GRM7: variants seen among roughly 807,000 people sequenced by gnomAD.
The protein encoded by GRM7 is glutamate metabotropic receptor 7.
GRM7 carries 35 observed loss-of-function variants against 84.5 expected under a neutral mutation model. That is an observed-to-expected ratio of 0.41 (90% CI 0.32 to 0.55). The LOEUF (loss-of-function observed/expected upper bound fraction) is 0.55, where lower values mean the gene tolerates loss of function less well. Ranked by LOEUF, GRM7 falls within the 20% of genes least tolerant of loss-of-function variation. GRM7 has a pLI of 0.19. For missense variants in GRM7, 1,003 were observed against 1,194.6 expected (o/e 0.84, Z 2.36); for synonymous variants, 487 against 455.1 (o/e 1.07, Z -0.89).
intron 8 of GRM7, among the ~76,000 whole-genome samples, chr3:7,651,957 C>T (rs1031196652): frequency 2.6e-5 from 4 of 152,198 alleles, no homozygotes; most frequent in Non-Finnish European, 5.9e-5. Flanking sequence ...AATATTGTCC[C>T]TGCCTTCTCC....
At chr3:7,469,481 T>C (rs969528089) in intron 7 of GRM7, among the ~76,000 whole-genome samples, 2 of 152,238 alleles carry the variant, frequency 1.3e-5, no homozygotes, top group South Asian at 4.1e-4. Flanking sequence ...ATTGCTGCTC[T>C]TGAGGAATGA....
intron 7 of GRM7, among the ~76,000 whole-genome samples, chr3:7,530,774 C>T (rs1267846842): frequency 1.3e-5 from 2 of 150,846 alleles, no homozygotes; most frequent in Non-Finnish European, 3.0e-5. Flanking sequence ...ATCTTTTGTC[C>T]ATTTTTTGAT....
chr3:7,180,484 A>C (rs1281572891), intron 2 of GRM7, among the ~76,000 whole-genome samples: 1 of 152,100 alleles, frequency 6.6e-6, no homozygotes, highest in Non-Finnish European at 1.5e-5. Context: ...AATGACCTAC[A>C]TTTTAATATC....
intron 1 of GRM7, among the ~76,000 whole-genome samples, chr3:7,131,828 A>T: frequency 6.6e-6 from 1 of 152,170 alleles, no homozygotes; most frequent in Admixed American, 6.5e-5. Flanking sequence ...TTATTGTAAT[A>T]GGAGAAGAAA....
rs756805776 is a variant in GRM7, at chr3:6,928,309, A to C, written c.519+66402A>C. 3.9e-5 allele frequency among the ~76,000 whole-genome samples: 6 copies of C among 152,092 alleles called. No homozygotes were observed. Among genetic ancestry groups the C allele is most frequent in the Non-Finnish European group, 5.9e-5 (4 of 68,010 alleles). On this transcript the variant is annotated intron_variant, in intron 1 of 9. Coordinates refer to ENST00000357716, the MANE Select transcript of GRM7 (RefSeq NM_000844.4). The surrounding 1 kb of genome is among the most constrained non-coding windows in gnomAD (Gnocchi z 4.5). ...GACTTGTTAACTTGTAGATATGATT[A>C]AGCCCCACAGTTTTCCCATGAAAGT...
intron 2 of GRM7, among the ~76,000 whole-genome samples, chr3:7,283,506 G>A (rs1203221135): frequency 2.0e-5 from 3 of 151,986 alleles, no homozygotes. Context: ...TTGATTTAAT[G>A]GATATGAAAG....
intron 1 of GRM7, among the ~76,000 whole-genome samples, chr3:7,064,479 T>TATATATATATATATATATACACAC: frequency 4.0e-5 from 4 of 99,378 alleles, no homozygotes; most frequent in African/African-American, 1.6e-4. Context: ...TATATATATA[T>TATATATATATATATATATACACAC]ACACACATAT....
intron 1 of GRM7, among the ~76,000 whole-genome samples, chr3:7,086,154 T>G (rs753339594): frequency 9.2e-5 from 14 of 152,178 alleles, no homozygotes; most frequent in Non-Finnish European, 1.9e-4. Flanking sequence ...ACTGGATTGA[T>G]TCTAGTTACG....
At chr3:7,568,695 G>A (rs936993836) in intron 7 of GRM7, among the ~76,000 whole-genome samples, 8 of 152,126 alleles carry the variant, frequency 5.3e-5, no homozygotes, top group East Asian at 3.9e-4. Context: ...TCAGAGCAGC[G>A]GGCCGGCCCT....
intron 2 of GRM7, among the ~76,000 whole-genome samples, chr3:7,193,400 A>C (rs1695779379): frequency 6.6e-6 from 1 of 152,094 alleles, no homozygotes; most frequent in Non-Finnish European, 1.5e-5. Flanking sequence ...AGTTGTGTTT[A>C]GCTTAGAAAT....
chr3:7,737,250 AT>A (rs770828502), intron 9 of GRM7, among the ~76,000 whole-genome samples: 10 of 152,182 alleles, frequency 6.6e-5, no homozygotes, highest in Admixed American at 2.6e-4. Context: ...TTAATAATTC[AT>A]TTCATAAACC....
intron 1 of GRM7, among the ~76,000 whole-genome samples, chr3:6,890,275 T>C (rs1017807308): frequency 7.9e-5 from 12 of 152,214 alleles, no homozygotes; most frequent in Admixed American, 1.3e-4. Context: ...TTCTGCTAGC[T>C]TTTGAATGTG....
At chr3:6,873,221 A>G (rs1254296612) in intron 1 of GRM7, among the ~76,000 whole-genome samples, 2 of 152,110 alleles carry the variant, frequency 1.3e-5, no homozygotes, top group Admixed American at 6.5e-5. Context: ...ACAGGCACCC[A>G]CCACCAGGCC....
chr3:7,295,230 C>T (rs894519337), intron 2 of GRM7, among the ~76,000 whole-genome samples: 1 of 152,114 alleles, frequency 6.6e-6, no homozygotes, highest in African/African-American at 2.4e-5. Flanking sequence ...ATTATTTTGG[C>T]ATCATTTGTT....
At chr3:7,514,103 A>AT (rs1159120635) in intron 7 of GRM7, among the ~76,000 whole-genome samples, 1 of 152,234 alleles carries the variant, frequency 6.6e-6, no homozygotes, top group African/African-American at 2.4e-5. Context: ...GTCAATGAGA[A>AT]TGAACCTTCC....
At chr3:7,393,742 G>A (rs1308770791) in intron 4 of GRM7, among the ~76,000 whole-genome samples, 1 of 152,100 alleles carries the variant, frequency 6.6e-6, no homozygotes, top group Non-Finnish European at 1.5e-5. Context: ...ATTTATTTCA[G>A]ACTCTTATGT....
At chr3:6,994,844 A>T (rs1340484488) in intron 1 of GRM7, among the ~76,000 whole-genome samples, 2 of 152,176 alleles carry the variant, frequency 1.3e-5, no homozygotes, top group African/African-American at 4.8e-5. Context: ...GTGCATTTGG[A>T]TGATTCGGCC....
chr3:7,635,399 TAAGAACTTTG>T, intron 8 of GRM7, among the ~76,000 whole-genome samples: 1 of 152,338 alleles, frequency 6.6e-6, no homozygotes, highest in East Asian at 1.9e-4. Context: ...TCCATTTCAT[TAAGAACTTTG>T]AAGCATGGAG....
At chr3:7,278,136 A>G (rs1172195304) in intron 2 of GRM7, among the ~76,000 whole-genome samples, 1 of 152,070 alleles carries the variant, frequency 6.6e-6, no homozygotes, top group African/African-American at 2.4e-5. Context: ...CTTAGCTGTG[A>G]TAAGATGCAC....
Sources: allele counts gnomAD v4.1 joint callset (sites outside exome capture counted in the v4.1 genomes callset), GRCh38; gene constraint gnomAD v4.1.1; non-coding constraint Gnocchi (gnomAD v3.1); transcripts MANE v1.5; gene names NCBI Gene and HGNC (gene_info 2026-07-23, HGNC 2026-07-21).